Variants in KIAA0930 observed in about 807,000 individuals in gnomAD.
KIAA0930 encodes KIAA0930, also known as uncharacterized protein KIAA0930.
KIAA0930 carries 24 observed loss-of-function variants against 43.9 expected under a neutral mutation model. The ratio of observed to expected loss-of-function variants is 0.55; its 90% CI spans 0.40 to 0.77. KIAA0930 has a LOEUF of 0.77. Among genes scored for constraint, KIAA0930 ranks in the 30% least tolerant of loss-of-function variants. The probability of loss-of-function intolerance (pLI) is 0.00; values close to 1 mark genes in which losing one functional copy is unlikely to be tolerated. For synonymous variants in KIAA0930, 259 were observed against 216.4 expected, an observed-to-expected ratio of 1.20 and a Z score of -1.73; for missense variants, 461 against 574.2, an observed-to-expected ratio of 0.80 and a Z score of 2.02.
chr22:45,197,325 A>G (rs1409195967), intron 9 of KIAA0930, 109 bp from the exon 10 acceptor site: 30 of 933,514 alleles, frequency 3.2e-5, no homozygotes, highest in South Asian at 5.0e-5. Context: ...CCACTCATGC[A>G]TCTCCTCTCC....
intron 1 of KIAA0930, among the ~76,000 whole-genome samples, chr22:45,218,304 T>C (rs937093349): frequency 6.7e-6 from 1 of 149,668 alleles, no homozygotes; most frequent in Admixed American, 6.7e-5. Flanking sequence ...ATTACAGGCA[T>C]GCACCATCAC....
At chr22:45,207,657 G>C (rs1163379232) in intron 2 of KIAA0930, 1 of 170,074 alleles carries the variant, frequency 5.9e-6, no homozygotes, top group Non-Finnish European at 1.4e-5. Flanking sequence ...GTGCTGACTG[G>C]GGGCCTCTGG....
At chr22:45,214,279 C>T (rs1214644821) in intron 1 of KIAA0930, among the ~76,000 whole-genome samples, 1 of 152,180 alleles carries the variant, frequency 6.6e-6, no homozygotes, top group East Asian at 1.9e-4. Flanking sequence ...TCCTAGGTAC[C>T]TGCCCAAGAG....
intron 1 of KIAA0930, among the ~76,000 whole-genome samples, chr22:45,232,834 G>A (rs1268831989): frequency 6.6e-6 from 1 of 152,168 alleles, no homozygotes; most frequent in East Asian, 1.9e-4. Flanking sequence ...GCTGAGCCAG[G>A]GCTCTGTATG....
intron 8 of KIAA0930, among the ~76,000 whole-genome samples, chr22:45,199,400 TCAC>T (rs946958193): frequency 6.6e-6 from 1 of 152,040 alleles, no homozygotes; most frequent in Non-Finnish European, 1.5e-5. Flanking sequence ...GGCGACTGTG[TCAC>T]CAAAGAGCAC....
At chr22:45,200,632 T>A (rs2083579675) in intron 7 of KIAA0930, among the ~76,000 whole-genome samples, 1 of 152,198 alleles carries the variant, frequency 6.6e-6, no homozygotes, top group Non-Finnish European at 1.5e-5. Flanking sequence ...AGTAGCTCTA[T>A]GCCTCTGTCT....
At chr22:45,197,714 T>G in intron 9 of KIAA0930, 76 bp downstream of exon 9, 5 of 1,530,344 alleles carry the variant, frequency 3.3e-6, no homozygotes, top group Non-Finnish European at 4.5e-6. Context: ...TCCGGGTGGC[T>G]CACAAGTACC....
At chr22:45,211,827 C>G in intron 2 of KIAA0930, 129 bp downstream of exon 2, 1 of 935,202 alleles carries the variant, frequency 1.1e-6, no homozygotes, top group Non-Finnish European at 1.6e-6. Flanking sequence ...ACAGTAGGTG[C>G]TCAATAAATA....
chr22:45,229,208 C>A lies in KIAA0930; in HGVS notation c.64+11432G>T, dbSNP rs1171616721. Among the ~76,000 whole-genome samples, 2 of 16,362 alleles carry A rather than the reference C, an allele frequency of 1.2e-4. 1 individual carries two copies. Among genetic ancestry groups the A allele is most frequent in the African/African-American group, 6.8e-4 (2 of 2,958 alleles). The allele number at this position is 16,362 out of a possible 152,430, so 10.7% of individuals were successfully genotyped here. A position where few individuals can be genotyped will look rare whatever the true frequency, so the allele number is the denominator to read the frequency against. The stretch of plus-strand genomic sequence containing the variant: ...CCGAAAGATCCCTCCCCATCCCCCC[C>A]ACCACCAAACACTCACCCGAAAGAT... On this transcript the variant is annotated intron_variant, in intron 1 of 9. Transcript: ENST00000336156.
chr22:45,194,651 T>TA lies in KIAA0930; in HGVS notation c.*2524dup, dbSNP rs2083520443. On this transcript the variant is annotated 3_prime_UTR_variant, in exon 10 of 10. Coordinates refer to ENST00000336156, the MANE Select transcript of KIAA0930 (RefSeq NM_001009880.2). ...TTACTTTATTCCACATGTCATCTGT[T>TA]ACTTTGGAAAAACAAACCTGGGAGT... 1 of 152,240 alleles carries TA rather than the reference T, an allele frequency of 6.6e-6. No individual in the cohort carries two copies. Among genetic ancestry groups the TA allele is most frequent in the Non-Finnish European group, 1.5e-5 (1 of 68,046 alleles). 9.4% of individuals were successfully genotyped at this position (152,240 alleles called of 1,614,324 possible).
At chr22:45,230,127 G>C (rs115340315) in intron 1 of KIAA0930, among the ~76,000 whole-genome samples, 1 of 152,204 alleles carries the variant, frequency 6.6e-6, no homozygotes, top group African/African-American at 2.4e-5. Flanking sequence ...CAGGTGGGGA[G>C]AGGAGACAGC....
At chr22:45,220,818 C>T (rs1184324609) in intron 1 of KIAA0930, among the ~76,000 whole-genome samples, 4 of 152,154 alleles carry the variant, frequency 2.6e-5, no homozygotes, top group Admixed American at 1.3e-4. Flanking sequence ...TGGGCTCAAG[C>T]GATCCTCCCA....
rs79895539 is a variant in KIAA0930, at chr22:45,225,465, C to T, written c.65-13358G>A. Among the ~76,000 whole-genome samples, 744 of 152,308 alleles carry T rather than the reference C, an allele frequency of 4.9e-3. 5 individuals are homozygous for T. The highest frequency in any genetic ancestry group is 0.017 in the African/African-American group (709 of 41,564). Reference sequence around the variant, plus strand: ...TTTGGAAGAAGTCCAGGCTCCCTTACCAGGCAAGCCAGGCTCTCCAGGCAG... The same window carrying T: ...TTTGGAAGAAGTCCAGGCTCCCTTATCAGGCAAGCCAGGCTCTCCAGGCAG... On this transcript the variant is annotated intron_variant, in intron 1 of 9. Coordinates refer to ENST00000336156, the MANE Select transcript of KIAA0930 (RefSeq NM_001009880.2).
chr22:45,205,392 A>G (rs975553224), intron 4 of KIAA0930, 74 bp from the exon 5 acceptor site: 11 of 1,343,830 alleles, frequency 8.2e-6, no homozygotes, highest in Middle Eastern at 2.0e-4. Flanking sequence ...CCAAGCCAGT[A>G]TAGGGAGGCC....
intron 5 of KIAA0930, 110 bp from the exon 6 acceptor site, chr22:45,204,095 G>C: frequency 7.0e-7 from 1 of 1,431,592 alleles, no homozygotes; most frequent in Non-Finnish European, 9.6e-7. Context: ...ATTTTGCAGG[G>C]GACAACCGGC....
chr22:45,208,958 C>A (rs1313849073), intron 2 of KIAA0930, among the ~76,000 whole-genome samples: 2 of 152,236 alleles, frequency 1.3e-5, no homozygotes, highest in Non-Finnish European at 2.9e-5. Flanking sequence ...GAGCCAGGTC[C>A]CCCTCCTGCC....
chr22:45,203,201 G>T lies in KIAA0930; in HGVS notation c.658-17C>A. On this transcript the variant is annotated splice_polypyrimidine_tract_variant and intron_variant, in intron 6 of 9. Transcript: ENST00000336156. ...CACGCTCACCTGGGGGCCGGCGCGG[G>T]GCAGCCTGAGTCAGGGAGGTGGCGA... 6.3e-7 allele frequency: 1 copy of T among 1,575,210 alleles called. No individual in the cohort carries two copies. The highest frequency in any genetic ancestry group is 2.3e-5 in the East Asian group (1 of 43,956).
chr22:45,227,340 C>A (rs899281040), intron 1 of KIAA0930, among the ~76,000 whole-genome samples: 5 of 152,212 alleles, frequency 3.3e-5, no homozygotes, highest in African/African-American at 1.2e-4. Flanking sequence ...TCCTAGCCCT[C>A]CTCTACTCTG....
At position 45,212,006 on chromosome 22, in the gene KIAA0930, G is replaced by A. The variant is rs559959998; in HGVS notation, c.166C>T (p.Arg56Cys). The A allele has an allele frequency of 8.1e-6, 13 of 1,613,506 alleles. No homozygotes were observed. The highest frequency in any genetic ancestry group is 6.7e-5 in the African/African-American group (5 of 75,006). Residue 56 changes from arginine to cysteine, a missense_variant, in exon 2 of 10, where the codon CGC becomes TGC. Coordinates refer to ENST00000336156, the MANE Select transcript of KIAA0930 (RefSeq NM_001009880.2). ...CTGCCGGAGTACGCCAGCTTCCGGC[G>A]CACATAGAAAAGCATGTCGTCCTGC... ...PRQDDMLFYV[R>C]RKLAYSGSES...
Sources: gnomAD v4.1 joint callset for allele counts (sites outside exome capture counted in the v4.1 genomes callset) on GRCh38, gnomAD v4.1.1 for gene constraint, MANE v1.5 for transcripts, NCBI Gene and HGNC (gene_info 2026-07-23, HGNC 2026-07-21) for gene names.